Variants in JAZF1 observed in about 807,000 individuals in gnomAD.
JAZF1 encodes JAZF zinc finger 1, also known as juxtaposed with another zinc finger protein 1.
Under a neutral mutation model 26.4 loss-of-function variants are expected in JAZF1, and 8 were observed. That is an observed-to-expected ratio of 0.30 (90% CI 0.18 to 0.55). JAZF1 has a LOEUF of 0.55. JAZF1 is among the 20% of genes least tolerant of loss of function. The pLI is 0.94. For missense variants in JAZF1, 199 were observed against 322.0 expected (o/e 0.62, Z 2.92); for synonymous variants, 126 against 122.3 (o/e 1.03, Z -0.20).
intron 2 of JAZF1, among the ~76,000 whole-genome samples, chr7:27,952,169 A>C (rs986045772): frequency 4.6e-5 from 7 of 152,200 alleles, no homozygotes; most frequent in African/African-American, 1.7e-4. Context: ...AGGAGCCCAT[A>C]GTCTAGTAGG....
intron 1 of JAZF1, among the ~76,000 whole-genome samples, chr7:28,109,906 TA>T (rs1784614899): frequency 1.3e-5 from 2 of 152,150 alleles, no homozygotes; most frequent in Non-Finnish European, 2.9e-5. Flanking sequence ...CTAAACAGCC[TA>T]AGTGAATTTA....
chr7:27,958,121 C>A, intron 2 of JAZF1, among the ~76,000 whole-genome samples: 1 of 152,152 alleles, frequency 6.6e-6, no homozygotes, highest in East Asian at 1.9e-4. Context: ...TCCCCCTACT[C>A]CGTTACAGAT....
chr7:27,973,027 T>C (rs151281040), intron 2 of JAZF1, among the ~76,000 whole-genome samples: 2,023 of 151,464 alleles, frequency 0.013, 38 homozygotes, highest in African/African-American at 0.046. Context: ...TAAAAAATGT[T>C]ACAACCAATT....
At chr7:28,125,146 C>CTTTTTTTTTTTTTTTTTTTTTTTT (rs35830575) in intron 1 of JAZF1, among the ~76,000 whole-genome samples, 1 of 136,158 alleles carries the variant, frequency 7.3e-6, no homozygotes, top group Non-Finnish European at 1.6e-5. Flanking sequence ...GGGAAGATTG[C>CTTTTTTTTTTTTTTTTTTTTTTTT]TTTTTTTTTT....
intron 1 of JAZF1, among the ~76,000 whole-genome samples, chr7:28,022,034 C>G (rs1441112867): frequency 1.3e-5 from 2 of 152,172 alleles, no homozygotes; most frequent in Non-Finnish European, 2.9e-5. Context: ...TGGGAAAAGG[C>G]TCAATAAAAG....
chr7:28,149,684 G>C (rs1583586401), intron 1 of JAZF1, among the ~76,000 whole-genome samples: 1 of 152,228 alleles, frequency 6.6e-6, no homozygotes, highest in East Asian at 1.9e-4. Context: ...TCTTCAATTT[G>C]AATCAGTGGG....
At chr7:27,948,739 G>C (rs973877043) in intron 2 of JAZF1, among the ~76,000 whole-genome samples, 2 of 152,198 alleles carry the variant, frequency 1.3e-5, no homozygotes, top group African/African-American at 4.8e-5. Context: ...TTTGCAGATA[G>C]ATTGCTAGAT....
chr7:27,987,757 A>G (rs1055332065), intron 2 of JAZF1, among the ~76,000 whole-genome samples: 2 of 152,184 alleles, frequency 1.3e-5, no homozygotes, highest in Non-Finnish European at 2.9e-5. Context: ...GAAAAGGGGG[A>G]AATGGGAAAA....
chr7:27,999,395 G>C (rs1786086199), intron 1 of JAZF1, among the ~76,000 whole-genome samples: 1 of 152,142 alleles, frequency 6.6e-6, no homozygotes, highest in African/African-American at 2.4e-5. Context: ...CCTATGAGAA[G>C]GTATCTGGAA....
chr7:28,173,779 A>G (rs1340446195), intron 1 of JAZF1, among the ~76,000 whole-genome samples: 1 of 151,664 alleles, frequency 6.6e-6, no homozygotes, highest in Non-Finnish European at 1.5e-5. Flanking sequence ...TTAGTGACCC[A>G]AGAAGAGTCC....
chr7:28,016,545 T>C (rs1342685711), intron 1 of JAZF1, among the ~76,000 whole-genome samples: 14 of 152,194 alleles, frequency 9.2e-5, no homozygotes, highest in Admixed American at 9.2e-4. Context: ...TGAGTGAGGA[T>C]GAAGGGACAG....
At chr7:28,116,661 C>T (rs1040740481) in intron 1 of JAZF1, among the ~76,000 whole-genome samples, 1 of 151,958 alleles carries the variant, frequency 6.6e-6, no homozygotes, top group African/African-American at 2.4e-5. Context: ...CCAGGCTGGT[C>T]TCAAACTCGA....
intron 1 of JAZF1, among the ~76,000 whole-genome samples, chr7:28,117,075 T>C (rs923326660): frequency 6.6e-6 from 1 of 152,188 alleles, no homozygotes; most frequent in Non-Finnish European, 1.5e-5. Context: ...CCACCCGCCT[T>C]GGCCTTCAAT....
chr7:27,953,809 T>G (rs1785046971), intron 2 of JAZF1, among the ~76,000 whole-genome samples: 1 of 152,252 alleles, frequency 6.6e-6, no homozygotes, highest in African/African-American at 2.4e-5. Flanking sequence ...TGTGAGATGA[T>G]AAGAAGTGCA....
At chr7:28,136,506 G>A (rs1243672763) in intron 1 of JAZF1, among the ~76,000 whole-genome samples, 1 of 152,258 alleles carries the variant, frequency 6.6e-6, no homozygotes, top group Non-Finnish European at 1.5e-5. Context: ...TCAGAATCTA[G>A]AGAGAAATAA....
intron 1 of JAZF1, among the ~76,000 whole-genome samples, chr7:28,151,902 C>T (rs897413423): frequency 6.6e-6 from 1 of 152,196 alleles, no homozygotes; most frequent in Non-Finnish European, 1.5e-5. Context: ...ACAATTCACT[C>T]TACTAGTGAA....
intron 1 of JAZF1, among the ~76,000 whole-genome samples, chr7:28,134,031 C>T (rs532520252): frequency 6.6e-6 from 1 of 151,850 alleles, no homozygotes; most frequent in Admixed American, 6.6e-5. Flanking sequence ...CATCTGTCTT[C>T]CATACTACAA....
intron 4 of JAZF1, among the ~76,000 whole-genome samples, chr7:27,838,334 A>C (rs1782857055): frequency 6.6e-6 from 1 of 152,130 alleles, no homozygotes; most frequent in Admixed American, 6.5e-5. Context: ...CATGGGAAGG[A>C]AATGTGGAGA....
At chr7:28,021,763 C>A (rs1247569870) in intron 1 of JAZF1, among the ~76,000 whole-genome samples, 1 of 152,178 alleles carries the variant, frequency 6.6e-6, no homozygotes, top group Non-Finnish European at 1.5e-5. Flanking sequence ...TCCTCTCTCC[C>A]CAGGGATGTT....
Sources: allele counts gnomAD v4.1 joint callset (sites outside exome capture counted in the v4.1 genomes callset), GRCh38; gene constraint gnomAD v4.1.1; transcripts MANE v1.5; gene names NCBI Gene and HGNC (gene_info 2026-07-23, HGNC 2026-07-21).